Variants in EPB41L4B observed in about 807,000 individuals in gnomAD.
EPB41L4B encodes the protein band 4.1-like protein 4B.
A neutral mutation model predicts 112.5 loss-of-function variants in EPB41L4B; 30 were observed. That is an observed-to-expected ratio of 0.27 (90% confidence interval 0.20 to 0.36). EPB41L4B has a LOEUF of 0.36. Ranked by LOEUF, EPB41L4B falls within the 10% of genes least tolerant of loss-of-function variation. The probability of loss-of-function intolerance (pLI) is 1.00; values close to 1 mark genes in which losing one functional copy is unlikely to be tolerated. For missense variants in EPB41L4B, 1,024 were observed against 1,133.3 expected, an observed-to-expected ratio of 0.90 and a Z score of 1.38; for synonymous variants, 408 against 439.7, an observed-to-expected ratio of 0.93 and a Z score of 0.90.
In EPB41L4B at chr9:109,213,956, G is replaced by GT. The variant is rs1833275962; in HGVS notation, c.1634-139dup. ...TCCTCCAGCAGCTCTCATGCCTTCA[G>GT]TATGCATCAGCTGATAGGGTGTGAG... is the stretch of plus-strand genomic sequence containing the variant. On this transcript the variant is annotated intron_variant, in intron 16 of 25. Transcript: ENST00000374566. 4.3e-6 allele frequency: 3 copies of GT among 693,810 alleles called. No individual in the cohort carries two copies. In the South Asian group the frequency reaches 5.2e-5, roughly 12 times the overall value. The allele number at this position is 693,810 out of a possible 1,614,324, so 43.0% of individuals were successfully genotyped here.
intron 1 of EPB41L4B, among the ~76,000 whole-genome samples, chr9:109,309,049 T>C (rs1837321336): frequency 6.6e-6 from 1 of 152,052 alleles, no homozygotes; most frequent in Non-Finnish European, 1.5e-5. Flanking sequence ...CACTCCAGCC[T>C]AGGTGACGAA....
At chr9:109,236,851 C>T (rs1834161460) in intron 15 of EPB41L4B, among the ~76,000 whole-genome samples, 1 of 152,176 alleles carries the variant, frequency 6.6e-6, no homozygotes, top group Admixed American at 6.5e-5. Context: ...CTGCATCTGT[C>T]CACCGCCTCC....
At chr9:109,201,923 A>T (rs1437204534) in intron 19 of EPB41L4B, among the ~76,000 whole-genome samples, 1 of 152,204 alleles carries the variant, frequency 6.6e-6, no homozygotes, top group African/African-American at 2.4e-5. Flanking sequence ...AGGTCCTTAG[A>T]ACAATGAAGA....
chr9:109,266,814 T>C (rs1362875667), intron 4 of EPB41L4B, among the ~76,000 whole-genome samples: 1 of 151,654 alleles, frequency 6.6e-6, no homozygotes, highest in Non-Finnish European at 1.5e-5. Context: ...GTCAAATATA[T>C]AACAATTAGC....
intron 1 of EPB41L4B, among the ~76,000 whole-genome samples, chr9:109,286,063 C>T (rs1271341088): frequency 6.6e-6 from 1 of 151,846 alleles, no homozygotes; most frequent in Non-Finnish European, 1.5e-5. Flanking sequence ...GTACCCACAT[C>T]TCTGTCCCTC....
Position 109,187,886 on chromosome 9 carries a change from C to T in EPB41L4B, c.2302-2281G>A, listed in dbSNP as rs1055487815. The stretch of plus-strand genomic sequence containing the variant: ...CCGCACAAGCCTTTCTGACCTTTCT[C>T]AATATACATCTGATTGGATTGAAAC... On this transcript the variant is annotated intron_variant, in intron 22 of 25. Transcript: ENST00000374566. 2.6e-5 allele frequency among the ~76,000 whole-genome samples: 4 copies of T among 152,164 alleles called. No individual in the cohort carries two copies. In the South Asian group the frequency reaches 6.2e-4, roughly 24 times the overall value.
At position 109,203,671 on chromosome 9, in the gene EPB41L4B, A is replaced by G; in HGVS notation, c.1938T>C (p.Ala646=). The change falls in exon 19 of 26, where the codon GCT becomes GCC. Residue 646 remains alanine (A), a synonymous_variant. Transcript: ENST00000374566. ...NINKKSSLQD[A]SVRSPIPIRV... ...GACAAGGAGCAACAGACCTTACACTAGCGTCCTGAAGACTGGATTTCTTAT... is the reference window on the plus strand; with the variant it reads ...GACAAGGAGCAACAGACCTTACACTGGCGTCCTGAAGACTGGATTTCTTAT... 1 of 1,613,006 alleles carries G rather than the reference A, an allele frequency of 6.2e-7. No homozygotes were observed. The highest frequency in any genetic ancestry group is 8.5e-7 in the Non-Finnish European group (1 of 1,178,958).
At chr9:109,199,107 C>T (rs922823827) in intron 20 of EPB41L4B, among the ~76,000 whole-genome samples, 9 of 151,996 alleles carry the variant, frequency 5.9e-5, no homozygotes, top group African/African-American at 2.2e-4. Flanking sequence ...TTTACTATTC[C>T]CTAACGATGC....
intron 15 of EPB41L4B, among the ~76,000 whole-genome samples, chr9:109,236,922 T>C (rs948472235): frequency 2.0e-5 from 3 of 152,194 alleles, no homozygotes; most frequent in Admixed American, 2.0e-4. Flanking sequence ...CCTGGTACGT[T>C]TGGAAGACTT....
intron 14 of EPB41L4B, among the ~76,000 whole-genome samples, chr9:109,244,794 C>T (rs925021367): frequency 3.9e-4 from 59 of 152,274 alleles, no homozygotes; most frequent in Middle Eastern, 6.8e-3. Flanking sequence ...GCAAATTAGG[C>T]CCTCCTGACA....
At chr9:109,229,258 T>C (rs966455813) in intron 15 of EPB41L4B, among the ~76,000 whole-genome samples, 1 of 152,174 alleles carries the variant, frequency 6.6e-6, no homozygotes, top group African/African-American at 2.4e-5. Flanking sequence ...CAGTAATAAC[T>C]GCAGGGTTTC....
chr9:109,264,913 C>T (rs550536430), intron 5 of EPB41L4B, 67 bp downstream of exon 5: 9 of 1,403,992 alleles, frequency 6.4e-6, no homozygotes, highest in Non-Finnish European at 8.6e-6. Flanking sequence ...AGAGTTAAAA[C>T]AGTGAATTAT....
At chr9:109,213,620 G>A in intron 17 of EPB41L4B, 80 bp downstream of exon 17, 1 of 1,175,986 alleles carries the variant, frequency 8.5e-7, no homozygotes, top group Non-Finnish European at 1.3e-6. Context: ...ACTTGGTTTA[G>A]CAGGCAGGCT....
At chr9:109,279,996 T>C (rs2119135112) in intron 1 of EPB41L4B, 75 bp from the exon 2 acceptor site, 2 of 1,129,906 alleles carry the variant, frequency 1.8e-6, no homozygotes, top group Non-Finnish European at 2.5e-6. Context: ...AAAAAAAACC[T>C]ACTTCTCTTT....
rs556952493 is a variant in EPB41L4B at position 109,172,639 on chromosome 9, G to C, written c.*1915C>G. The C allele has an allele frequency of 6.6e-6, 1 of 152,216 alleles. No homozygotes were observed. Among genetic ancestry groups the C allele is most frequent in the East Asian group, 1.9e-4 (1 of 5,172 alleles). The allele number at this position is 152,216 out of a possible 1,614,324, so 9.4% of individuals were successfully genotyped here. On this transcript the variant is annotated 3_prime_UTR_variant, in exon 26 of 26. Transcript: ENST00000374566. The stretch of plus-strand genomic sequence containing the variant: ...AAAAGGGGCTGATGTTTATAATCAT[G>C]ACCATGACTCATCAAGAAAAGGTTA...
intron 1 of EPB41L4B, among the ~76,000 whole-genome samples, chr9:109,291,295 TA>T (rs1274721482): frequency 6.6e-6 from 1 of 152,152 alleles, no homozygotes; most frequent in African/African-American, 2.4e-5. Context: ...AAACAAGAAA[TA>T]TTTCTTAAGC....
intron 24 of EPB41L4B, among the ~76,000 whole-genome samples, chr9:109,178,651 AG>A (rs1218250791): frequency 5.9e-5 from 9 of 152,110 alleles, no homozygotes; most frequent in African/African-American, 2.2e-4. Context: ...CATGTTGGCC[AG>A]GCTGGTCTCG....
intron 17 of EPB41L4B, among the ~76,000 whole-genome samples, chr9:109,209,251 A>G (rs937074041): frequency 2.0e-5 from 3 of 152,168 alleles, no homozygotes; most frequent in African/African-American, 7.2e-5. Flanking sequence ...GGGACCTCCA[A>G]ACATATGGAG....
At chr9:109,205,666 T>A (rs111248765) in intron 18 of EPB41L4B, among the ~76,000 whole-genome samples, 2,422 of 152,310 alleles carry the variant, frequency 0.016, 68 homozygotes, top group African/African-American at 0.056. Flanking sequence ...AAGCAATCAG[T>A]GCCCCCAGCA....
Sources: allele counts gnomAD v4.1 joint callset (sites outside exome capture counted in the v4.1 genomes callset), GRCh38; gene constraint gnomAD v4.1.1; transcripts MANE v1.5; gene names NCBI Gene and HGNC (gene_info 2026-07-23, HGNC 2026-07-21).